The following NCALD variants were observed in gnomAD, a reference collection of about 807,000 sequenced individuals.
NCALD encodes neurocalcin delta.
In NCALD, 10 loss-of-function variants were observed where a neutral mutation model predicts 18.6. The observed-to-expected ratio is 0.54, with a 90% CI of 0.33 to 0.91. The LOEUF (loss-of-function observed/expected upper bound fraction) is 0.91. Among genes scored for constraint, NCALD ranks in the 40% least tolerant of loss-of-function variants. The pLI, the probability that NCALD is intolerant of heterozygous loss-of-function variation, is 0.03. For synonymous variants in NCALD, 88 were observed against 87.4 expected, an observed-to-expected ratio of 1.01 and a Z score of -0.04; for missense variants, 184 against 247.6, an observed-to-expected ratio of 0.74 and a Z score of 1.72.
chr8:101,965,377 C>A (rs887546565), intron 2 of NCALD, among the ~76,000 whole-genome samples: 22 of 152,082 alleles, frequency 1.4e-4, no homozygotes, highest in Non-Finnish European at 3.1e-4. Flanking sequence ...ATGCCCATCA[C>A]TGACAGACTG....
chr8:101,961,593 T>G (rs1819837957), intron 2 of NCALD, among the ~76,000 whole-genome samples: 1 of 152,134 alleles, frequency 6.6e-6, no homozygotes, highest in Non-Finnish European at 1.5e-5. Flanking sequence ...GTCCATTTGC[T>G]AACTATACTT....
At chr8:101,811,033 G>A (rs960591801) in intron 4 of NCALD, among the ~76,000 whole-genome samples, 1 of 152,100 alleles carries the variant, frequency 6.6e-6, no homozygotes, top group African/African-American at 2.4e-5. Context: ...CATCAATATT[G>A]TTCCAATAGT....
chr8:101,918,815 CT>C (rs1039545824), intron 2 of NCALD, among the ~76,000 whole-genome samples: 1 of 151,460 alleles, frequency 6.6e-6, no homozygotes, highest in Non-Finnish European at 1.5e-5. Flanking sequence ...TGAAAGATCT[CT>C]ACAAGGAAAA....
chr8:101,892,858 C>T (rs184933731), intron 3 of NCALD, among the ~76,000 whole-genome samples: 1 of 149,396 alleles, frequency 6.7e-6, no homozygotes, highest in Admixed American at 6.6e-5. Context: ...AAATATGGGA[C>T]TATGTGAAAA....
At chr8:101,941,199 A>T (rs1818942924) in intron 2 of NCALD, among the ~76,000 whole-genome samples, 1 of 152,206 alleles carries the variant, frequency 6.6e-6, no homozygotes, top group African/African-American at 2.4e-5. Context: ...TTCCTGGAAG[A>T]CAATTTTTCC....
intron 1 of NCALD, among the ~76,000 whole-genome samples, chr8:102,107,769 G>T (rs1386339161): frequency 6.6e-6 from 1 of 152,178 alleles, no homozygotes; most frequent in African/African-American, 2.4e-5. Flanking sequence ...GCATTCCTGA[G>T]AAGTCACATA....
At chr8:102,028,841 G>A (rs1048579302) in intron 1 of NCALD, among the ~76,000 whole-genome samples, 2 of 152,114 alleles carry the variant, frequency 1.3e-5, no homozygotes, top group Non-Finnish European at 2.9e-5. Context: ...AGAGTAAAGG[G>A]GGGTACTAGC....
chr8:101,788,529 A>G, intron 1 of NCALD: 1 of 152,200 alleles, frequency 6.6e-6, no homozygotes, highest in Admixed American at 6.5e-5. Context: ...AGTTTGTATT[A>G]TGTAATAATG....
chr8:102,000,771 G>A (rs1821425826), intron 2 of NCALD, among the ~76,000 whole-genome samples: 1 of 152,202 alleles, frequency 6.6e-6, no homozygotes, highest in African/African-American at 2.4e-5. Flanking sequence ...AACAGGGTCT[G>A]GAGTGGACCT....
chr8:101,987,752 T>C (rs1218640023), intron 2 of NCALD, among the ~76,000 whole-genome samples: 1 of 152,100 alleles, frequency 6.6e-6, no homozygotes, highest in African/African-American at 2.4e-5. Context: ...ACACGCCTTT[T>C]CCATCACGAG....
intron 1 of NCALD, among the ~76,000 whole-genome samples, chr8:102,026,191 T>G (rs778850594): frequency 2.6e-5 from 4 of 152,142 alleles, no homozygotes; most frequent in Non-Finnish European, 5.9e-5. Flanking sequence ...CCAAATCTCA[T>G]GTCCTCACAA....
In NCALD at chr8:101,981,139, C is replaced by A. The variant is rs7002438; in HGVS notation, c.-157+39098G>T. On this transcript the variant is annotated intron_variant, in intron 2 of 6. Coordinates refer to the NCALD transcript ENST00000311028. ...CAGATTAGCTCCTTGAAGGCAATAACCTCCTCTTATATTTCTCAAACTAGC... is the reference window on the plus strand; with the variant it reads ...CAGATTAGCTCCTTGAAGGCAATAAACTCCTCTTATATTTCTCAAACTAGC... Among the ~76,000 whole-genome samples, 398 of 152,282 alleles carry A rather than the reference C, an allele frequency of 2.6e-3. 3 individuals carry two copies. The highest frequency in any genetic ancestry group is 2.7e-3 in the Non-Finnish European group (184 of 68,026).
chr8:101,785,838 G>A (rs1812203390), intron 1 of NCALD: 1 of 152,200 alleles, frequency 6.6e-6, no homozygotes. Context: ...ACTGGGAATA[G>A]GACTGAGCAT....
At chr8:101,755,227 A>G (rs1810826212) in intron 1 of NCALD, among the ~76,000 whole-genome samples, 1 of 152,256 alleles carries the variant, frequency 6.6e-6, no homozygotes, top group African/African-American at 2.4e-5. Context: ...CCTTCAAAAT[A>G]CAAATGACTC....
chr8:102,106,242 T>C (rs887704377), intron 1 of NCALD, among the ~76,000 whole-genome samples: 1 of 150,720 alleles, frequency 6.6e-6, no homozygotes, highest in African/African-American at 2.4e-5. Context: ...GCTAATTTTT[T>C]TGGTATTTTT....
chr8:102,034,902 T>C (rs1822806002), intron 1 of NCALD, among the ~76,000 whole-genome samples: 1 of 152,162 alleles, frequency 6.6e-6, no homozygotes, highest in Admixed American at 6.5e-5. Context: ...ATTCACATTG[T>C]TGTGTAACAA....
At chr8:102,122,086 G>A (rs985475905) in intron 1 of NCALD, among the ~76,000 whole-genome samples, 1 of 152,186 alleles carries the variant, frequency 6.6e-6, no homozygotes, top group African/African-American at 2.4e-5. Context: ...GCAGAATGAT[G>A]CGAGGGCTAC....
At chr8:101,992,429 C>T (rs1017880958) in intron 2 of NCALD, among the ~76,000 whole-genome samples, 1 of 152,130 alleles carries the variant, frequency 6.6e-6, no homozygotes, top group Non-Finnish European at 1.5e-5. Context: ...ACAAGCCATG[C>T]ATTATGGGTT....
At chr8:101,697,784 C>T (rs1815070136) in intron 2 of NCALD, among the ~76,000 whole-genome samples, 1 of 152,106 alleles carries the variant, frequency 6.6e-6, no homozygotes, top group South Asian at 2.1e-4. Context: ...ATTGATGGAA[C>T]ATATCTTAAA....
Sources: gnomAD v4.1 joint callset for allele counts (sites outside exome capture counted in the v4.1 genomes callset) on GRCh38, gnomAD v4.1.1 for gene constraint, MANE v1.5 for transcripts, NCBI Gene and HGNC (gene_info 2026-07-23, HGNC 2026-07-21) for gene names.